Variants in MTMR10 observed in about 807,000 individuals in gnomAD.
MTMR10 encodes the protein myotubularin related protein 10.
A neutral mutation model predicts 88.1 loss-of-function variants in MTMR10; 56 were observed. The ratio of observed to expected loss-of-function variants is 0.64; its 90% CI spans 0.51 to 0.79. MTMR10 has a LOEUF of 0.79. Among genes scored for constraint, MTMR10 ranks in the 30% least tolerant of loss-of-function variants. The pLI is 0.00. For synonymous variants in MTMR10, 380 were observed against 340.9 expected (o/e 1.11, Z -1.26); for missense variants, 883 against 924.7 (o/e 0.95, Z 0.58).
At chr15:30,967,292 C>T (rs983406142) in intron 6 of MTMR10, among the ~76,000 whole-genome samples, 1 of 152,078 alleles carries the variant, frequency 6.6e-6, no homozygotes, top group Non-Finnish European at 1.5e-5. Context: ...TACATTTGTA[C>T]GAAACAGAAT....
At position 30,941,551 on chromosome 15, in the gene MTMR10, G is replaced by A. The variant is rs1294676457; in HGVS notation, c.2253C>T (p.Ser751=). ...FSPVGNLCRR[S]ILGTPLSKFL... ...ATTTGCTTAATGGTGTTCCTAAAAT[G>A]CTTCGTCTGCACAGATTCCCTACAG... The change falls in exon 16 of 16, where the codon AGC becomes AGT. Residue 751 remains serine (S), a synonymous_variant. Coordinates refer to ENST00000435680, the MANE Select transcript of MTMR10 (RefSeq NM_017762.3). 1 of 1,604,654 alleles carries A rather than the reference G, an allele frequency of 6.2e-7. No individual in the cohort carries two copies. Among genetic ancestry groups the A allele is most frequent in the East Asian group, 2.2e-5 (1 of 44,690 alleles).
the MTMR10 span, chr15:30,922,199 G>T: frequency 6.3e-7 from 1 of 1,591,384 alleles, no homozygotes; most frequent in Non-Finnish European, 8.5e-7. Context: ...GATTTTTTGT[G>T]AATCTAATGA....
chr15:30,943,436 G>A (rs917644975), intron 14 of MTMR10: 25 of 984,880 alleles, frequency 2.5e-5, no homozygotes, highest in South Asian at 1.4e-4. Context: ...ATGAGCACAC[G>A]GTCAGTACAT....
intron 2 of MTMR10, among the ~76,000 whole-genome samples, chr15:30,979,544 G>A (rs1030813542): frequency 1.3e-5 from 2 of 151,848 alleles, no homozygotes; most frequent in African/African-American, 4.8e-5. Context: ...GGGCAACAGA[G>A]CTAGACTCCA....
At chr15:30,930,731 C>T in the MTMR10 span, 21 of 1,583,114 alleles carry the variant, frequency 1.3e-5, no homozygotes, top group African/African-American at 9.5e-5. Context: ...GAATCAGAGG[C>T]CACAAGTAGG....
Position 30,976,901 on chromosome 15 carries a change from G to A in MTMR10, c.176C>T (p.Thr59Ile). Residue 59 changes from threonine (T) to isoleucine (I), a missense_variant, in exon 3 of 16, where the codon ACA (threonine) becomes ATA (isoleucine). By Grantham distance (89) the Thr-to-Ile change is moderately conservative. Coordinates refer to ENST00000435680, the MANE Select transcript of MTMR10 (RefSeq NM_017762.3). The part of the protein sequence containing the change: ...NFVRKCIATD[T>I]SQYDLWGKLI... ...CTTTCCCCACAAATCGTACTGGCTTGTGTCTGTTGCAATGCATTTTCTCAC... is the reference window on the plus strand; with the variant it reads ...CTTTCCCCACAAATCGTACTGGCTTATGTCTGTTGCAATGCATTTTCTCAC... 1.2e-6 allele frequency: 2 copies of A among 1,611,420 alleles called. No individual in the cohort carries two copies. The highest frequency in any genetic ancestry group is 1.7e-6 in the Non-Finnish European group (2 of 1,179,258).
At chr15:30,945,654 T>C (rs549619975) in intron 14 of MTMR10, among the ~76,000 whole-genome samples, 1 of 152,184 alleles carries the variant, frequency 6.6e-6, no homozygotes, top group Admixed American at 6.5e-5. Context: ...GCCCCAAGAA[T>C]GATTATGGTG....
At chr15:30,953,531 T>G in intron 11 of MTMR10, 31 bp downstream of exon 11, 1 of 1,480,720 alleles carries the variant, frequency 6.8e-7, no homozygotes. Context: ...AAATAAAAAG[T>G]TAAAGGAAAA....
intron 2 of MTMR10, among the ~76,000 whole-genome samples, chr15:30,987,252 T>G (rs1163485376): frequency 6.6e-6 from 1 of 152,212 alleles, no homozygotes; most frequent in Non-Finnish European, 1.5e-5. Flanking sequence ...AGGTAACAGT[T>G]TAAGCCAGGT....
chr15:30,943,435 C>G lies in MTMR10; in HGVS notation c.1549-363G>C, dbSNP rs562229011. On this transcript the variant is annotated intron_variant, in intron 14 of 15. Transcript: ENST00000435680. ...ACAGTATTTTACTTTTATGAGCACACGGTCAGTACATTTAAGTAGTTACCT... is the reference window on the plus strand; with the variant it reads ...ACAGTATTTTACTTTTATGAGCACAGGGTCAGTACATTTAAGTAGTTACCT... The G allele has an allele frequency of 5.1e-6, 5 of 984,996 alleles. No individual in the cohort carries two copies. In the South Asian group the frequency reaches 1.9e-4, roughly 37 times the overall value. The allele number at this position is 984,996 out of a possible 1,614,324, so 61.0% of individuals were successfully genotyped here.
intron 7 of MTMR10, 54 bp downstream of exon 7, chr15:30,960,827 A>T (rs2063391729): frequency 1.4e-6 from 2 of 1,453,814 alleles, no homozygotes; most frequent in Non-Finnish European, 1.8e-6. Context: ...TTTGATGATT[A>T]TTCATAGGGA....
intron 14 of MTMR10, chr15:30,943,754 G>A: frequency 5.1e-6 from 5 of 985,278 alleles, no homozygotes; most frequent in Non-Finnish European, 6.0e-6. Flanking sequence ...GGCAACACAA[G>A]GCTACAGGGT....
intron 5 of MTMR10, among the ~76,000 whole-genome samples, chr15:30,973,810 T>C (rs928755610): frequency 6.6e-6 from 1 of 152,210 alleles, no homozygotes; most frequent in Non-Finnish European, 1.5e-5. Context: ...AAAAAGTTAC[T>C]AGCTTTGTGT....
At chr15:30,928,588 T>C in the MTMR10 span, 4 of 1,613,456 alleles carry the variant, frequency 2.5e-6, no homozygotes, top group Non-Finnish European at 1.7e-6. Context: ...CAGCACCCTG[T>C]ATGGCCTCCT....
the MTMR10 span, chr15:30,927,977 A>G: frequency 1.0e-6 from 1 of 985,874 alleles, no homozygotes; most frequent in Non-Finnish European, 1.2e-6. Context: ...CTTTAAGGCC[A>G]GATGTCTCTG....
intron 2 of MTMR10, among the ~76,000 whole-genome samples, chr15:30,978,225 T>C (rs1250970205): frequency 6.6e-6 from 1 of 152,240 alleles, no homozygotes; most frequent in Non-Finnish European, 1.5e-5. Flanking sequence ...GCACTCATGA[T>C]AGCTACAATT....
intron 12 of MTMR10, among the ~76,000 whole-genome samples, chr15:30,951,440 A>C (rs1185013626): frequency 3.3e-5 from 5 of 152,230 alleles, no homozygotes; most frequent in African/African-American, 4.8e-5. Flanking sequence ...AGGAAGGATA[A>C]TTTAATAAAG....
At chr15:30,927,995 C>T in the MTMR10 span, 1 of 985,856 alleles carries the variant, frequency 1.0e-6, no homozygotes, top group Non-Finnish European at 1.2e-6. Flanking sequence ...CTGTAAAAGC[C>T]TTGACTATCG....
rs1471013956 is a variant in MTMR10, at chr15:30,960,863, T to C, written c.758+18A>G. ...AGTGACTTCCAGCCATATATAACATTGCTAAAATTGTACTTACCAAGTGGA... is the reference window on the plus strand; with the variant it reads ...AGTGACTTCCAGCCATATATAACATCGCTAAAATTGTACTTACCAAGTGGA... On this transcript the variant is annotated intron_variant, in intron 7 of 15. Coordinates refer to ENST00000435680, the MANE Select transcript of MTMR10 (RefSeq NM_017762.3). 1.3e-6 allele frequency: 2 copies of C among 1,565,996 alleles called. No individual in the cohort carries two copies. Among genetic ancestry groups the C allele is most frequent in the Non-Finnish European group, 1.7e-6 (2 of 1,147,790 alleles).
Sources: allele counts gnomAD v4.1 joint callset (sites outside exome capture counted in the v4.1 genomes callset), GRCh38; gene constraint gnomAD v4.1.1; transcripts MANE v1.5; gene names NCBI Gene and HGNC (gene_info 2026-07-23, HGNC 2026-07-21).